FREM2: variants seen among roughly 807,000 people sequenced by gnomAD.
FREM2 encodes the protein FRAS1-related extracellular matrix protein 2.
Under a neutral mutation model 219.9 loss-of-function variants are expected in FREM2, and 119 were observed. The ratio of observed to expected loss-of-function variants is 0.54; its 90% CI spans 0.47 to 0.63. FREM2 has a LOEUF of 0.63. Ranked by LOEUF, FREM2 falls within the 30% of genes least tolerant of loss-of-function variation. The pLI, the probability that FREM2 is intolerant of heterozygous loss-of-function variation, is 0.00. For synonymous variants in FREM2, 1,562 were observed against 1,522.8 expected (o/e 1.03, Z -0.60); for missense variants, 4,030 against 3,993.6 (o/e 1.01, Z -0.25).
In FREM2 at chr13:38,872,917, C is replaced by T; in HGVS notation, c.8159C>T (p.Pro2720Leu). ...ILWNDGIGSPPEAELQGSLYP... is the reference protein window; with the variant it reads ...ILWNDGIGSPLEAELQGSLYP... ...TGGAATGATGGAATTGGCAGCCCCC[C>T]AGAGGCTGAACTTCAAGGTGAGTTC... The change falls in exon 17 of 24, where the codon CCA (proline) becomes CTA (leucine). Residue 2720 changes from proline (P) to leucine (L), a missense_variant. By Grantham distance (98) the Pro-to-Leu change is moderately conservative (BLOSUM62 -3). Transcript: ENST00000280481. 6.2e-7 allele frequency: 1 copy of T among 1,613,772 alleles called. No individual in the cohort carries two copies. The highest frequency in any genetic ancestry group is 8.5e-7 in the Non-Finnish European group (1 of 1,179,844).
At chr13:38,808,900 A>G (rs1306573818) in intron 6 of FREM2, among the ~76,000 whole-genome samples, 2 of 151,898 alleles carry the variant, frequency 1.3e-5, no homozygotes, top group African/African-American at 4.8e-5. Context: ...CCCAAAAAAC[A>G]AAATCTGTGA....
At chr13:38,804,742 G>A (rs1384979077) in intron 6 of FREM2, among the ~76,000 whole-genome samples, 2 of 152,142 alleles carry the variant, frequency 1.3e-5, no homozygotes, top group Non-Finnish European at 2.9e-5. Flanking sequence ...ATAAGGCTAC[G>A]TATTGTCAGA....
intron 2 of FREM2, among the ~76,000 whole-genome samples, chr13:38,728,116 T>A (rs965140756): frequency 1.2e-4 from 18 of 152,234 alleles, no homozygotes; most frequent in African/African-American, 4.3e-4. Flanking sequence ...AGCACTAGAG[T>A]CCTTGGTTTT....
At chr13:38,751,885 TGTGTGTGTGTG>T (rs1308091498) in intron 2 of FREM2, among the ~76,000 whole-genome samples, 3 of 150,718 alleles carry the variant, frequency 2.0e-5, no homozygotes, top group African/African-American at 7.3e-5. Flanking sequence ...TGTGTGTGTG[TGTGTGTGTGTG>T]TTTTCCTTTT....
chr13:38,742,878 T>C (rs1462492365), intron 2 of FREM2, among the ~76,000 whole-genome samples: 1 of 152,206 alleles, frequency 6.6e-6, no homozygotes, highest in Non-Finnish European at 1.5e-5. Flanking sequence ...AATCATCAAA[T>C]TGAGCAATCC....
At chr13:38,785,577 C>T (rs528944587) in intron 6 of FREM2, among the ~76,000 whole-genome samples, 3 of 152,248 alleles carry the variant, frequency 2.0e-5, no homozygotes, top group Admixed American at 2.0e-4. Context: ...ATAAATCTTT[C>T]GGTTTGGAAA....
intron 6 of FREM2, among the ~76,000 whole-genome samples, chr13:38,816,546 C>T (rs1384676807): frequency 6.6e-6 from 1 of 152,122 alleles, no homozygotes; most frequent in East Asian, 1.9e-4. Flanking sequence ...TTAAAACGCT[C>T]AAGAAATTAG....
At chr13:38,727,047 T>A (rs1051951399) in intron 2 of FREM2, among the ~76,000 whole-genome samples, 1 of 152,222 alleles carries the variant, frequency 6.6e-6, no homozygotes, top group African/African-American at 2.4e-5. Context: ...AAGAAAGTAT[T>A]GTTTTAATTC....
In FREM2 at chr13:38,835,355, G is replaced by T. The variant is rs531916697; in HGVS notation, c.6020-11218G>T. 2.0e-5 allele frequency among the ~76,000 whole-genome samples: 3 copies of T among 152,310 alleles called. No individual in the cohort carries two copies. In the South Asian group the frequency reaches 6.2e-4, roughly 32 times the overall value. ...ATGCTGTTTTTGTTGCCATAGGCTT[G>T]TAGTATAATTTGAAGTCAGATAGTG... is the stretch of plus-strand genomic sequence containing the variant. On this transcript the variant is annotated intron_variant, in intron 6 of 23. Transcript: ENST00000280481.
At chr13:38,863,557 CA>C (rs58585772) in intron 15 of FREM2, among the ~76,000 whole-genome samples, 1 of 152,036 alleles carries the variant, frequency 6.6e-6, no homozygotes, top group African/African-American at 2.4e-5. Flanking sequence ...TGTTATAAAA[CA>C]AAAAAATGAT....
At chr13:38,708,917 G>A (rs141790382) in intron 2 of FREM2, among the ~76,000 whole-genome samples, 48 of 152,080 alleles carry the variant, frequency 3.2e-4, no homozygotes, top group African/African-American at 1.1e-3. Context: ...CCGCCATGAC[G>A]CCCAGATAAT....
intron 4 of FREM2, among the ~76,000 whole-genome samples, chr13:38,773,060 T>C (rs1873732843): frequency 1.3e-5 from 2 of 152,306 alleles, no homozygotes; most frequent in South Asian, 4.1e-4. Flanking sequence ...TTTATAATTA[T>C]GGTCTTACAA....
chr13:38,744,035 A>G (rs1872359476), intron 2 of FREM2, among the ~76,000 whole-genome samples: 1 of 152,182 alleles, frequency 6.6e-6, no homozygotes, highest in African/African-American at 2.4e-5. Flanking sequence ...CCGAATTCTC[A>G]TGGAAATGAA....
chr13:38,849,998 C>T (rs1336486140), intron 8 of FREM2, 40 bp from the exon 9 acceptor site: 2 of 1,547,236 alleles, frequency 1.3e-6, no homozygotes, highest in East Asian at 2.3e-5. Flanking sequence ...CCATTTTCCA[C>T]AAGGAAATTT....
At chr13:38,823,083 A>T (rs1034479356) in intron 6 of FREM2, among the ~76,000 whole-genome samples, 3 of 152,094 alleles carry the variant, frequency 2.0e-5, no homozygotes, top group Admixed American at 1.3e-4. Flanking sequence ...ACCCTGTTTT[A>T]TTCCCGCTTA....
In FREM2 at chr13:38,698,093, A is replaced by G. The variant is rs189540729; in HGVS notation, c.5263+306A>G. 5.3e-5 allele frequency among the ~76,000 whole-genome samples: 8 copies of G among 152,290 alleles called. No homozygotes were observed. In the East Asian group the frequency reaches 1.4e-3, roughly 26 times the overall value. Reference sequence around the variant, plus strand: ...GATTACACCCTGCATGAGTTTGCCTACTTGAGTCAGTAAGAGGATGTTGGA... The same window carrying G: ...GATTACACCCTGCATGAGTTTGCCTGCTTGAGTCAGTAAGAGGATGTTGGA... On this transcript the variant is annotated intron_variant, in intron 2 of 23. Coordinates refer to ENST00000280481, the MANE Select transcript of FREM2 (RefSeq NM_207361.6).
Position 38,877,233 on chromosome 13 carries a change from T to A in FREM2, c.8661T>A (p.Ala2887=). 3.1e-6 allele frequency: 5 copies of A among 1,614,086 alleles called. No individual in the cohort carries two copies. Among genetic ancestry groups the A allele is most frequent in the Non-Finnish European group, 3.4e-6 (4 of 1,179,924 alleles). The change falls in exon 21 of 24, where the codon GCT becomes GCA. Residue 2887 remains alanine, a synonymous_variant. Transcript: ENST00000280481. ...GATTCGGGCAAGAGAGTGATGTTGC[T>A]TTTGCAGAAGGTATCACTTTACAAA... is the stretch of plus-strand genomic sequence containing the variant. ...SMGFGQESDV[A]FAEGDIIYGR... is the part of the protein sequence containing the mutation.
At chr13:38,824,328 G>A (rs1423067681) in intron 6 of FREM2, among the ~76,000 whole-genome samples, 4 of 152,016 alleles carry the variant, frequency 2.6e-5, no homozygotes, top group Admixed American at 1.3e-4. Flanking sequence ...GTCTTATAAG[G>A]TATATGTTCT....
intron 11 of FREM2, among the ~76,000 whole-genome samples, chr13:38,853,841 G>A (rs906824332): frequency 1.3e-5 from 2 of 152,096 alleles, no homozygotes; most frequent in Non-Finnish European, 2.9e-5. Context: ...TGAAAGAAGT[G>A]TCTTTTAAAT....
Sources: allele counts gnomAD v4.1 joint callset (sites outside exome capture counted in the v4.1 genomes callset), GRCh38; gene constraint gnomAD v4.1.1; transcripts MANE v1.5; gene names NCBI Gene and HGNC (gene_info 2026-07-23, HGNC 2026-07-21).